Variants in NUTM1 observed in about 807,000 individuals in gnomAD.
NUTM1 encodes NUT family member 1.
NUTM1 carries 39 observed loss-of-function variants against 88.7 expected under a neutral mutation model. The observed-to-expected ratio is 0.44, with a 90% CI of 0.34 to 0.57. NUTM1 has a LOEUF of 0.57. Ranked by LOEUF, NUTM1 falls within the 20% of genes least tolerant of loss-of-function variation. The pLI, the probability that NUTM1 is intolerant of heterozygous loss-of-function variation, is 0.01. For synonymous variants in NUTM1, 494 were observed against 538.0 expected, an observed-to-expected ratio of 0.92 and a Z score of 1.13; for missense variants, 1,350 against 1,414.5, an observed-to-expected ratio of 0.95 and a Z score of 0.73.
At chr15:34,350,950 G>A (rs750135377) in intron 4 of NUTM1, 118 bp downstream of exon 4, 61 of 1,304,580 alleles carry the variant, frequency 4.7e-5, no homozygotes, top group Non-Finnish European at 6.2e-5. Flanking sequence ...GGGGCGCAGC[G>A]GCTCACGCCT....
At chr15:34,348,729 A>G (rs780250910) in intron 3 of NUTM1, 52 bp downstream of exon 3, 3 of 1,333,064 alleles carry the variant, frequency 2.3e-6, no homozygotes, top group Non-Finnish European at 3.2e-6. Flanking sequence ...AATAAGGAGG[A>G]CTTTGGGGTG....
Position 34,355,001 on chromosome 15 carries a change from C to A in NUTM1, c.1363-20C>A. 1 of 1,575,502 alleles carries A rather than the reference C, an allele frequency of 6.3e-7. No individual in the cohort carries two copies. The highest frequency in any genetic ancestry group is 8.7e-7 in the Non-Finnish European group (1 of 1,145,036). ...GTTACCTGCTTACAGACTTACATCG[C>A]TTTTCCTTCTGTTATCCAGGTGGAG... On this transcript the variant is annotated intron_variant, in intron 6 of 7. Transcript: ENST00000537011. The surrounding 1 kb of genome is among the most constrained non-coding windows in gnomAD (Gnocchi z 4.3).
rs781119854 is a variant in NUTM1 at position 34,357,674 on chromosome 15, G to A, written c.*183G>A. 7 of 1,121,382 alleles carry A rather than the reference G, an allele frequency of 6.2e-6. No individual in the cohort carries two copies. The East Asian group carries it at 1.7e-4, about 26-fold the overall frequency. 69.5% of individuals were successfully genotyped at this position (1,121,382 alleles called of 1,614,324 possible). On this transcript the variant is annotated 3_prime_UTR_variant, in exon 8 of 8. Coordinates refer to ENST00000537011, the MANE Select transcript of NUTM1 (RefSeq NM_001284292.2). ...GGTCAGACTGGCTAGGCTGCAGGGGGAATTACCTTTGGAAGGAGCTATATA... is the reference window on the plus strand; with the variant it reads ...GGTCAGACTGGCTAGGCTGCAGGGGAAATTACCTTTGGAAGGAGCTATATA...
chr15:34,349,089 C>G (rs1283017742), intron 3 of NUTM1, among the ~76,000 whole-genome samples: 4 of 152,214 alleles, frequency 2.6e-5, no homozygotes, highest in African/African-American at 9.6e-5. Context: ...GTGCTGGACC[C>G]TAACTCAGGG....
intron 1 of NUTM1, 125 bp downstream of exon 1, chr15:34,343,827 A>G: frequency 1.3e-6 from 1 of 765,754 alleles, no homozygotes; most frequent in South Asian, 1.8e-5. Context: ...CCAAAATATC[A>G]TTACAAAGAT....
Position 34,346,035 on chromosome 15 carries a change from G to A in NUTM1, c.100G>A (p.Ala34Thr), listed in dbSNP as rs200279336. 3 of 1,614,140 alleles carry A rather than the reference G, an allele frequency of 1.9e-6. No homozygotes were observed. Residue 34 changes from alanine to threonine, a missense_variant and splice_region_variant, in exon 2 of 8, where the codon GCA becomes ACA. By Grantham distance (58) the Ala-to-Thr change is moderately conservative. This residue lies in a region of NUTM1 where 399 missense variants were observed against 397.9 expected (regional missense o/e 1.00). Coordinates refer to ENST00000537011, the MANE Select transcript of NUTM1 (RefSeq NM_001284292.2). Reference protein sequence around the residue: ...PKPERMASDGASALPGPDMSM... With the variant: ...PKPERMASDGTSALPGPDMSM... ...ACCTGAGAGGATGGCTTCAGATGGA[G>A]GTAAGTCTGCAGGTGGTGAGGAGGA...
chr15:34,356,710 A>T lies in NUTM1; in HGVS notation c.2702A>T (p.Asp901Val). Reference sequence around the variant, plus strand: ...AATCTCCTTATCATGGGGACTGAGGATGCCTCCTCCTTGCCTGAAGCCAGT... The same window carrying T: ...AATCTCCTTATCATGGGGACTGAGGTTGCCTCCTCCTTGCCTGAAGCCAGT... ...QGNLLIMGTE[D>V]ASSLPEASQE... Residue 901 changes from aspartate to valine, a missense_variant, in exon 8 of 8, where the codon GAT becomes GTT. Asp to Val is a radical substitution (Grantham distance 152). Transcript: ENST00000537011. 6.2e-7 allele frequency: 1 copy of T among 1,613,462 alleles called. No individual in the cohort carries two copies. The highest frequency in any genetic ancestry group is 1.7e-5 in the Admixed American group (1 of 59,930).
At chr15:34,347,890 A>T (rs114436122) in intron 2 of NUTM1, 79 bp from the exon 3 acceptor site, 3 of 686,462 alleles carry the variant, frequency 4.4e-6, no homozygotes, top group Middle Eastern at 5.3e-4. Flanking sequence ...AAATAAAAAT[A>T]AAAAAATGGG....
In NUTM1 at chr15:34,356,234, C is replaced by T. The variant is rs147399781; in HGVS notation, c.2226C>T (p.Asp742=). The T allele has an allele frequency of 4.0e-5, 64 of 1,606,424 alleles. No individual in the cohort carries two copies. The Admixed American group carries it at 6.5e-4, about 16-fold the overall frequency. Residue 742 remains aspartate (D), a synonymous_variant, in exon 8 of 8, where the codon GAC becomes GAT. Transcript: ENST00000537011. ...CCCCTAGAGCAGCTGGGGAGAGGGA[C>T]GATGTCTGTCTCAGCCCAGGAGTTT... is the stretch of plus-strand genomic sequence containing the variant. The part of the protein sequence containing the change: ...NPSPRAAGER[D]DVCLSPGVWL...
chr15:34,344,145 C>T (rs1195132829), intron 1 of NUTM1, among the ~76,000 whole-genome samples: 3 of 150,404 alleles, frequency 2.0e-5, no homozygotes, highest in Non-Finnish European at 3.0e-5. Context: ...TCATTTGAGC[C>T]GGGGAGGCAG....
rs773091688 is a variant in NUTM1, at chr15:34,348,544, C to A, written c.676C>A (p.Pro226Thr). 2 of 1,613,950 alleles carry A rather than the reference C, an allele frequency of 1.2e-6. No individual in the cohort carries two copies. Among genetic ancestry groups the A allele is most frequent in the African/African-American group, 1.3e-5 (1 of 74,936 alleles). The change falls in exon 3 of 8, where the codon CCT becomes ACT. Residue 226 changes from proline (P) to threonine (T), a missense_variant. By Grantham distance (38) the Pro-to-Thr change is conservative (BLOSUM62 -1). This residue lies in a region of NUTM1 where 399 missense variants were observed against 397.9 expected (regional missense o/e 1.00). Transcript: ENST00000537011. The part of the protein sequence containing the change: ...EGGPVATLSK[P>T]SLGDRSKISK... ...AGGTCCTGTGGCCACTCTATCCAAGCCTTCCCTAGGTGACCGCTCCAAAAT... is the reference window on the plus strand; with the variant it reads ...AGGTCCTGTGGCCACTCTATCCAAGACTTCCCTAGGTGACCGCTCCAAAAT...
In NUTM1 at chr15:34,348,479, A is replaced by G. The variant is rs1890648909; in HGVS notation, c.611A>G (p.Glu204Gly). ...VAQLVPIVPL[E>G]KAWPGPHGTT... ...CAACTGGTCCCCATTGTGCCCCTGGAAAAAGCTTGGCCAGGGCCACATGGG... is the reference window on the plus strand; with the variant it reads ...CAACTGGTCCCCATTGTGCCCCTGGGAAAAGCTTGGCCAGGGCCACATGGG... The change falls in exon 3 of 8, where the codon GAA becomes GGA. Residue 204 changes from glutamate (E) to glycine (G), a missense_variant. Around this residue, in one of 5 missense-constraint regions of NUTM1, gnomAD observed 399 missense variants for 397.9 expected, o/e 1.00. Coordinates refer to ENST00000537011, the MANE Select transcript of NUTM1 (RefSeq NM_001284292.2). 6.2e-7 allele frequency: 1 copy of G among 1,613,978 alleles called. No individual in the cohort carries two copies. Among genetic ancestry groups the G allele is most frequent in the African/African-American group, 1.3e-5 (1 of 74,934 alleles).
At chr15:34,352,249 A>G (rs1890722953) in intron 4 of NUTM1, among the ~76,000 whole-genome samples, 1 of 152,196 alleles carries the variant, frequency 6.6e-6, no homozygotes, top group Non-Finnish European at 1.5e-5. Context: ...ACTCCCTCCC[A>G]AAACCTTTTG....
intron 4 of NUTM1, 63 bp from the exon 5 acceptor site, chr15:34,353,662 TTGGCTGTCGTC>T: frequency 6.4e-7 from 1 of 1,574,744 alleles, no homozygotes; most frequent in Non-Finnish European, 8.7e-7. Flanking sequence ...TTGGCCATGC[TTGGCTGTCGTC>T]TGGATTTCTG....
intron 4 of NUTM1, among the ~76,000 whole-genome samples, chr15:34,351,198 A>G (rs1339718834): frequency 8.3e-6 from 1 of 121,210 alleles, no homozygotes; most frequent in African/African-American, 3.1e-5. Context: ...TCTGCACTCC[A>G]GCATGGGTGA....
chr15:34,357,725 T>C lies in NUTM1; in HGVS notation c.*234T>C. 1.1e-5 allele frequency: 8 copies of C among 716,610 alleles called. No homozygotes were observed. The highest frequency in any genetic ancestry group is 1.9e-5 in the Non-Finnish European group (8 of 422,148). 44.4% of individuals were successfully genotyped at this position (716,610 alleles called of 1,614,324 possible). A position where few individuals can be genotyped will look rare whatever the true frequency, so the allele number is the denominator to read the frequency against. ...GAAAAAAAATGAATAAAGTGTTTTG[T>C]TGGAAAATGCTCTCAGAGTGCCCTT... On this transcript the variant is annotated 3_prime_UTR_variant, in exon 8 of 8. Coordinates refer to ENST00000537011, the MANE Select transcript of NUTM1 (RefSeq NM_001284292.2).
chr15:34,348,382 C>T lies in NUTM1; in HGVS notation c.514C>T (p.Pro172Ser). The change falls in exon 3 of 8, where the codon CCC becomes TCC. Residue 172 changes from proline (P) to serine (S), a missense_variant. Transcript: ENST00000537011. Reference sequence around the variant, plus strand: ...AGCATCTAATGTGAAGACCATTCTGCCCTCTAAGGCTGTTGGTGTCAGCCA... The same window carrying T: ...AGCATCTAATGTGAAGACCATTCTGTCCTCTAAGGCTGTTGGTGTCAGCCA... Reference protein sequence around the residue: ...VTASNVKTILPSKAVGVSQEG... With the variant: ...VTASNVKTILSSKAVGVSQEG... The T allele has an allele frequency of 6.8e-6, 11 of 1,614,228 alleles. No individual in the cohort carries two copies. The highest frequency in any genetic ancestry group is 1.1e-5 in the South Asian group (1 of 91,080).
intron 6 of NUTM1, 100 bp from the exon 7 acceptor site, chr15:34,354,921 A>C: frequency 1.9e-6 from 2 of 1,055,262 alleles, no homozygotes; most frequent in Non-Finnish European, 2.9e-6. Context: ...CGGAGGGGTA[A>C]GAGGGGAGAG....
chr15:34,343,344 G>A lies in NUTM1; in HGVS notation c.-353G>A, dbSNP rs1282995574. The A allele has an allele frequency of 3.3e-6, 2 of 614,830 alleles. No individual in the cohort carries two copies. Among genetic ancestry groups the A allele is most frequent in the Non-Finnish European group, 5.8e-6 (2 of 345,650 alleles). 38.1% of individuals were successfully genotyped at this position (614,830 alleles called of 1,614,324 possible). On this transcript the variant is annotated 5_prime_UTR_variant, in exon 1 of 8. Transcript: ENST00000537011. ...TGTGTGCTAGGTACACGGCGTTAGA[G>A]GGGGGTAGGGATGGATGTGGATAGA...
Sources: allele counts gnomAD v4.1 joint callset (sites outside exome capture counted in the v4.1 genomes callset), GRCh38; gene constraint gnomAD v4.1.1; regional missense constraint gnomAD v4.1.1; non-coding constraint Gnocchi (gnomAD v3.1); transcripts MANE v1.5; gene names NCBI Gene and HGNC (gene_info 2026-07-23, HGNC 2026-07-21).